TENM2: variants seen among roughly 807,000 people sequenced by gnomAD.
The protein encoded by TENM2 is teneurin transmembrane protein 2, also known as teneurin-2.
In TENM2, 52 loss-of-function variants were observed where a neutral mutation model predicts 245.2. The ratio of observed to expected loss-of-function variants is 0.21; its 90% CI spans 0.17 to 0.27. TENM2 has a LOEUF of 0.27. Among genes scored for constraint, TENM2 ranks in the 10% least tolerant of loss-of-function variants. The pLI is 1.00. For missense variants in TENM2, 3,046 were observed against 3,666.8 expected (o/e 0.83, Z 4.37); for synonymous variants, 1,363 against 1,438.9 (o/e 0.95, Z 1.19).
intron 1 of TENM2, among the ~76,000 whole-genome samples, chr5:167,348,522 T>A (rs1021397106): frequency 6.6e-6 from 1 of 152,178 alleles, no homozygotes; most frequent in African/African-American, 2.4e-5. Flanking sequence ...CTGACAGCTG[T>A]TTCTTCCTAG....
chr5:168,177,029 A>G (rs1210061774), intron 13 of TENM2, among the ~76,000 whole-genome samples: 4 of 152,214 alleles, frequency 2.6e-5, no homozygotes, highest in African/African-American at 9.6e-5. Context: ...TGCAGTAGGT[A>G]TGCAAGCCTC....
chr5:168,148,252 C>T (rs1358538708), intron 12 of TENM2, among the ~76,000 whole-genome samples: 1 of 152,180 alleles, frequency 6.6e-6, no homozygotes, highest in African/African-American at 2.4e-5. Context: ...TTTTGTTTCT[C>T]TGTAAATGAG....
At chr5:167,459,710 A>C (rs1766160243) in intron 2 of TENM2, among the ~76,000 whole-genome samples, 1 of 152,200 alleles carries the variant, frequency 6.6e-6, no homozygotes, top group Admixed American at 6.5e-5. Context: ...TCTTTAAAGT[A>C]GCCATCCCAA....
the TENM2 span, among the ~76,000 whole-genome samples, chr5:167,279,679 A>AGTTTT: frequency 1.3e-5 from 2 of 151,596 alleles, no homozygotes; most frequent in Admixed American, 1.3e-4. Context: ...ATCTATCAAG[A>AGTTTT]GTTTTGTTTT....
chr5:168,225,976 C>G, intron 23 of TENM2, 112 bp from the exon 26 acceptor site: 1 of 999,274 alleles, frequency 1.0e-6, no homozygotes, highest in Non-Finnish European at 1.5e-6. Context: ...GATGCGCCAC[C>G]CAGCCAACCC....
chr5:167,833,858 A>G (rs1471570949), intron 2 of TENM2, among the ~76,000 whole-genome samples: 2 of 152,196 alleles, frequency 1.3e-5, no homozygotes, highest in Admixed American at 6.5e-5. Context: ...ATGATATTCT[A>G]CTTATGACCT....
At chr5:167,939,464 C>CA (rs1339033969) in intron 3 of TENM2, among the ~76,000 whole-genome samples, 16 of 152,038 alleles carry the variant, frequency 1.1e-4, no homozygotes, top group Non-Finnish European at 1.9e-4. Flanking sequence ...TGCTTTACAA[C>CA]AAAAAAATCT....
rs1040255701 is a variant in TENM2 at position 168,244,935 on chromosome 5, A to G, written c.5817+219A>G. Among the ~76,000 whole-genome samples the G allele has an allele frequency of 6.6e-6, 1 of 151,522 alleles. No homozygotes were observed. The highest frequency in any genetic ancestry group is 2.4e-5 in the African/African-American group (1 of 41,224). On this transcript the variant is annotated intron_variant, in intron 26 of 28. Coordinates refer to ENST00000518659, the Ensembl canonical transcript of TENM2. This position sits in a 1 kb window ranked among gnomAD's most constrained non-coding sequence, Gnocchi z 4.9. ...CAGGCACATGTCACCACGCCCGGCTAATTTTGTATTTTTAGTAGAGATGGG... is the reference window on the plus strand; with the variant it reads ...CAGGCACATGTCACCACGCCCGGCTGATTTTGTATTTTTAGTAGAGATGGG...
At chr5:167,692,625 C>T (rs915977317) in intron 2 of TENM2, among the ~76,000 whole-genome samples, 8 of 152,140 alleles carry the variant, frequency 5.3e-5, no homozygotes, top group African/African-American at 1.9e-4. Flanking sequence ...ACCTCCAAGC[C>T]ACTTCCAGTT....
intron 7 of TENM2, among the ~76,000 whole-genome samples, chr5:168,083,292 C>A (rs1792164150): frequency 6.6e-6 from 1 of 152,198 alleles, no homozygotes; most frequent in South Asian, 2.1e-4. Flanking sequence ...TTTGCTAAGA[C>A]CATTGGAAAA....
rs190521758 is a variant in TENM2, at chr5:167,513,366, G to A, written c.502+137893G>A. Among the ~76,000 whole-genome samples, 10 of 152,132 alleles carry A rather than the reference G, an allele frequency of 6.6e-5. No individual in the cohort carries two copies. The East Asian group carries it at 1.2e-3, about 18-fold the overall frequency. ...TCATTTTAATAATAGAGTAAAATTC[G>A]GTAAAAGGAAACAGTAAATACACGC... On this transcript the variant is annotated intron_variant, in intron 2 of 28. Coordinates refer to ENST00000518659, the Ensembl canonical transcript of TENM2.
chr5:167,072,570 G>A, the TENM2 span, among the ~76,000 whole-genome samples: 3 of 152,256 alleles, frequency 2.0e-5, no homozygotes, highest in South Asian at 4.1e-4. Flanking sequence ...TTTACGTGCC[G>A]GGCACTGTGC....
intron 2 of TENM2, among the ~76,000 whole-genome samples, chr5:167,726,585 A>G (rs1488932666): frequency 6.6e-6 from 1 of 152,116 alleles, no homozygotes; most frequent in Non-Finnish European, 1.5e-5. Context: ...CAGCCTGCCA[A>G]GTAGCTGGGA....
At chr5:167,339,167 G>A (rs1296618768) in intron 1 of TENM2, among the ~76,000 whole-genome samples, 1 of 152,144 alleles carries the variant, frequency 6.6e-6, no homozygotes, top group African/African-American at 2.4e-5. Context: ...CATCTAAATA[G>A]TATCTAAATC....
chr5:168,215,916 G>A (rs1367223996), intron 21 of TENM2, among the ~76,000 whole-genome samples: 1 of 152,246 alleles, frequency 6.6e-6, no homozygotes, highest in African/African-American at 2.4e-5. Flanking sequence ...GTATGAAGTC[G>A]AAAGTGCAGT....
At chr5:167,109,067 C>T in the TENM2 span, among the ~76,000 whole-genome samples, 11 of 152,108 alleles carry the variant, frequency 7.2e-5, 1 homozygote, top group South Asian at 2.1e-4. Context: ...CCTTCATTAA[C>T]GGATAATTGA....
rs547629984 is a variant in TENM2, at chr5:167,670,792, C to A, written c.503-205194C>A. ...ATGCTGTTTTCAACAGCCTGCTGGG[C>A]AAATCTATCAGGTTCCAAAGAAGTA... On this transcript the variant is annotated intron_variant, in intron 2 of 28. Coordinates refer to ENST00000518659, the Ensembl canonical transcript of TENM2. 2.0e-5 allele frequency among the ~76,000 whole-genome samples: 3 copies of A among 152,260 alleles called. No homozygotes were observed. In the East Asian group the frequency reaches 5.8e-4, roughly 29 times the overall value.
rs940576909 is a variant in TENM2, at chr5:168,134,154, C to CA, written c.2422+7197dup. ...TAGGCGACAGAGTGAGACTCTGTCT[C>CA]AAAAAAAAACAAAACAAAACAAAAA... On this transcript the variant is annotated intron_variant, in intron 12 of 28. Coordinates refer to ENST00000518659, the Ensembl canonical transcript of TENM2. Among the ~76,000 whole-genome samples the CA allele has an allele frequency of 5.5e-4, 81 of 146,866 alleles. 1 individual carries two copies. The highest frequency in any genetic ancestry group is 1.5e-3 in the South Asian group (7 of 4,582).
the TENM2 span, among the ~76,000 whole-genome samples, chr5:167,171,217 C>T: frequency 1.3e-5 from 2 of 152,142 alleles, no homozygotes; most frequent in Admixed American, 1.3e-4. Context: ...TTGAAAATCC[C>T]AAATGAAATT....
Sources: gnomAD v4.1 joint callset for allele counts (sites outside exome capture counted in the v4.1 genomes callset) on GRCh38, gnomAD v4.1.1 for gene constraint, Gnocchi (gnomAD v3.1) non-coding constraint, MANE v1.5 for transcripts, NCBI Gene and HGNC (gene_info 2026-07-23, HGNC 2026-07-21) for gene names.